The following MED27 variants were observed in gnomAD, a reference collection of about 807,000 sequenced individuals.
MED27 encodes mediator of RNA polymerase II transcription subunit 27.
Under a neutral mutation model 38.2 loss-of-function variants are expected in MED27, and 30 were observed. The ratio of observed to expected loss-of-function variants is 0.79; its 90% CI spans 0.59 to 1.07. MED27 has a LOEUF of 1.07. MED27 is among the 50% of genes least tolerant of loss of function. MED27 has a pLI of 0.00. For synonymous variants in MED27, 122 were observed against 153.5 expected, an observed-to-expected ratio of 0.79 and a Z score of 1.52; for missense variants, 289 against 397.5, an observed-to-expected ratio of 0.73 and a Z score of 2.32.
intron 3 of MED27, among the ~76,000 whole-genome samples, chr9:131,948,871 T>C (rs2130981883): frequency 6.6e-6 from 1 of 152,302 alleles, no homozygotes; most frequent in East Asian, 1.9e-4. Flanking sequence ...TTTCGAGCCA[T>C]GTGAATATAT....
At chr9:131,924,264 G>C (rs924196643) in intron 4 of MED27, among the ~76,000 whole-genome samples, 2 of 152,000 alleles carry the variant, frequency 1.3e-5, no homozygotes, top group Non-Finnish European at 2.9e-5. Context: ...TTTAATTTTT[G>C]CCAATCTGGT....
At chr9:131,958,304 G>A (rs1355486187) in intron 3 of MED27, among the ~76,000 whole-genome samples, 1 of 151,456 alleles carries the variant, frequency 6.6e-6, no homozygotes, top group Non-Finnish European at 1.5e-5. Flanking sequence ...GAGTGCAATG[G>A]CGCGATCTCA....
chr9:131,951,836 G>A (rs547265012), intron 3 of MED27, among the ~76,000 whole-genome samples: 3 of 152,300 alleles, frequency 2.0e-5, no homozygotes, highest in South Asian at 2.1e-4. Context: ...AAAACACCTC[G>A]AAGCATGAGC....
intron 4 of MED27, among the ~76,000 whole-genome samples, chr9:131,936,942 G>A (rs1368557583): frequency 2.0e-5 from 3 of 152,158 alleles, no homozygotes; most frequent in Non-Finnish European, 2.9e-5. Context: ...CTGCTTCAAC[G>A]GCCTCTTAAC....
In MED27 at chr9:132,003,845, C is replaced by T. The variant is rs1264968756; in HGVS notation, c.479+10492G>A. 6.6e-6 allele frequency among the ~76,000 whole-genome samples: 1 copy of T among 152,122 alleles called. No individual in the cohort carries two copies. The highest frequency in any genetic ancestry group is 1.5e-5 in the Non-Finnish European group (1 of 68,020). ...TTAAGGGTACCTCAAACTTGACATGCTTCAAATGAAACCCATTAATTTTCT... is the reference window on the plus strand; with the variant it reads ...TTAAGGGTACCTCAAACTTGACATGTTTCAAATGAAACCCATTAATTTTCT... On this transcript the variant is annotated intron_variant, in intron 3 of 7. Coordinates refer to ENST00000292035, the MANE Select transcript of MED27 (RefSeq NM_004269.4). The surrounding 1 kb of genome is among the most constrained non-coding windows in gnomAD (Gnocchi z 4.2).
intron 2 of MED27, among the ~76,000 whole-genome samples, chr9:132,075,882 T>G (rs1834035190): frequency 6.6e-6 from 1 of 152,174 alleles, no homozygotes; most frequent in Non-Finnish European, 1.5e-5. Flanking sequence ...CTGCCCTGCA[T>G]CCATCCCTTC....
At chr9:131,903,456 T>C (rs796232646) in intron 4 of MED27, among the ~76,000 whole-genome samples, 2 of 152,270 alleles carry the variant, frequency 1.3e-5, no homozygotes, top group African/African-American at 4.8e-5. Context: ...ATCACAGGTG[T>C]TACCCCATTA....
chr9:132,020,679 T>C (rs1244454238), intron 2 of MED27, among the ~76,000 whole-genome samples: 2 of 152,198 alleles, frequency 1.3e-5, no homozygotes, highest in African/African-American at 2.4e-5. Flanking sequence ...CTTTTGAACA[T>C]AACTCCAAGC....
rs1832558066 is a variant in MED27, at chr9:132,014,400, T to G, written c.416A>C (p.Gln139Pro). Residue 139 changes from glutamine (Q) to proline (P), a missense_variant, in exon 3 of 8, where the codon CAG (glutamine) becomes CCG (proline). Gln to Pro is a moderately conservative substitution (Grantham distance 76, BLOSUM62 -1). Coordinates refer to ENST00000292035, the MANE Select transcript of MED27 (RefSeq NM_004269.4). ...NQQSLKRSAN[Q>P]MGVSAKRRPK... ...TCTACGTTTGGCAGATACTCCCATC[T>G]GATTAGCGGAACGCTTCAATGACTG... 1 of 1,613,692 alleles carries G rather than the reference T, an allele frequency of 6.2e-7. No homozygotes were observed. The highest frequency in any genetic ancestry group is 8.5e-7 in the Non-Finnish European group (1 of 1,179,986).
intron 2 of MED27, among the ~76,000 whole-genome samples, chr9:132,016,526 A>G (rs1034856959): frequency 2.6e-5 from 4 of 152,212 alleles, no homozygotes; most frequent in African/African-American, 9.7e-5. Flanking sequence ...AAATCAATGG[A>G]GGCAAGGGAC....
At chr9:131,910,841 C>T (rs1425891100) in intron 4 of MED27, among the ~76,000 whole-genome samples, 1 of 152,150 alleles carries the variant, frequency 6.6e-6, no homozygotes, top group Non-Finnish European at 1.5e-5. Context: ...TGGACTGGTG[C>T]GGAGGATCGT....
At chr9:131,896,820 C>A (rs1319457812) in intron 4 of MED27, among the ~76,000 whole-genome samples, 1 of 152,242 alleles carries the variant, frequency 6.6e-6, no homozygotes, top group African/African-American at 2.4e-5. Context: ...TAAACTCCGC[C>A]TCCCGGGTTC....
At chr9:131,907,480 G>A (rs1191962742) in intron 4 of MED27, among the ~76,000 whole-genome samples, 1 of 152,192 alleles carries the variant, frequency 6.6e-6, no homozygotes, top group Non-Finnish European at 1.5e-5. Flanking sequence ...TCCGCCTACC[G>A]AGGTGCCGGG....
chr9:131,890,684 A>G (rs1280772479), intron 5 of MED27, among the ~76,000 whole-genome samples: 1 of 152,024 alleles, frequency 6.6e-6, no homozygotes, highest in Non-Finnish European at 1.5e-5. Context: ...TGCACCCTAC[A>G]GACAGACAGT....
chr9:132,043,462 C>G (rs1833266079), intron 2 of MED27, among the ~76,000 whole-genome samples: 1 of 152,160 alleles, frequency 6.6e-6, no homozygotes, highest in South Asian at 2.1e-4. Context: ...GCTGCCTGCT[C>G]TGTTTCATAA....
At position 131,860,811 on chromosome 9, in the gene MED27, A is replaced by G. The variant is rs996090139; in HGVS notation, c.802-139T>C. 4 of 952,258 alleles carry G rather than the reference A, an allele frequency of 4.2e-6. No individual in the cohort carries two copies. The African/African-American group carries it at 6.7e-5, about 16-fold the overall frequency. The allele number at this position is 952,258 out of a possible 1,614,324, so 59.0% of individuals were successfully genotyped here. A position where few individuals can be genotyped will look rare whatever the true frequency, so the allele number is the denominator to read the frequency against. On this transcript the variant is annotated intron_variant, in intron 7 of 7. Coordinates refer to ENST00000292035, the MANE Select transcript of MED27 (RefSeq NM_004269.4). The surrounding 1 kb of genome is among the most constrained non-coding windows in gnomAD (Gnocchi z 5.8). The stretch of plus-strand genomic sequence containing the variant: ...GATGCCCTGTGATTTCACAGGGAGC[A>G]GCAGGCGGAACCCACAAGGTCACCT...
chr9:132,026,404 A>C (rs990020910), intron 2 of MED27, among the ~76,000 whole-genome samples: 2 of 152,220 alleles, frequency 1.3e-5, no homozygotes, highest in African/African-American at 2.4e-5. Context: ...CTCAAGCCAG[A>C]CCAGAAGCCT....
At chr9:132,030,196 C>T (rs181422153) in intron 2 of MED27, among the ~76,000 whole-genome samples, 7 of 152,330 alleles carry the variant, frequency 4.6e-5, no homozygotes, top group Non-Finnish European at 8.8e-5. Context: ...GTGCCAGAGC[C>T]ACGTTGTCTC....
chr9:131,975,835 C>T (rs1388196996), intron 3 of MED27, among the ~76,000 whole-genome samples: 3 of 152,204 alleles, frequency 2.0e-5, no homozygotes, highest in Middle Eastern at 3.2e-3. Flanking sequence ...ACTGGCAGGA[C>T]ACCCAAATGT....
Sources: allele counts gnomAD v4.1 joint callset (sites outside exome capture counted in the v4.1 genomes callset), GRCh38; gene constraint gnomAD v4.1.1; non-coding constraint Gnocchi (gnomAD v3.1); transcripts MANE v1.5; gene names NCBI Gene and HGNC (gene_info 2026-07-23, HGNC 2026-07-21).